The following PCDH15 variants were observed in gnomAD, a reference collection of about 807,000 sequenced individuals.
The protein encoded by PCDH15 is protocadherin-15.
PCDH15 carries 129 observed loss-of-function variants against 178.5 expected under a neutral mutation model. The observed-to-expected ratio is 0.72, with a 90% CI of 0.63 to 0.84. The LOEUF is 0.84. Ranked by LOEUF, PCDH15 falls within the 40% of genes least tolerant of loss-of-function variation. The pLI is 0.00. For missense variants in PCDH15, 2,230 were observed against 2,099.9 expected (o/e 1.06, Z -1.21); for synonymous variants, 800 against 732.0 (o/e 1.09, Z -1.50).
At chr10:54,713,618 T>C (rs2095447526) in intron 1 of PCDH15, among the ~76,000 whole-genome samples, 1 of 152,132 alleles carries the variant, frequency 6.6e-6, no homozygotes, top group Admixed American at 6.6e-5. Context: ...AATCAGTGTC[T>C]GGGCAAATAA....
chr10:54,114,474 G>T (rs2095079278), intron 15 of PCDH15, among the ~76,000 whole-genome samples: 2 of 152,014 alleles, frequency 1.3e-5, no homozygotes, highest in South Asian at 4.2e-4. Flanking sequence ...ATTTTTTATT[G>T]ATTACATAGT....
chr10:54,658,842 T>G (rs1484020018), intron 2 of PCDH15, among the ~76,000 whole-genome samples: 1 of 152,140 alleles, frequency 6.6e-6, no homozygotes, highest in Non-Finnish European at 1.5e-5. Flanking sequence ...AAGATATCAT[T>G]TTGCAAATTG....
intron 2 of PCDH15, among the ~76,000 whole-genome samples, chr10:54,587,716 A>G (rs537432454): frequency 6.6e-6 from 1 of 152,332 alleles, no homozygotes; most frequent in African/African-American, 2.4e-5. Flanking sequence ...TCAAACTATT[A>G]GTAAACATTT....
chr10:54,661,050 A>C (rs1393563608), intron 2 of PCDH15, among the ~76,000 whole-genome samples: 1 of 152,032 alleles, frequency 6.6e-6, no homozygotes. Flanking sequence ...CACTCTCAGC[A>C]ATCAGGCAAG....
At chr10:55,473,654 A>G (rs1404246054) in intron 2 of PCDH15, among the ~76,000 whole-genome samples, 1 of 152,172 alleles carries the variant, frequency 6.6e-6, no homozygotes, top group African/African-American at 2.4e-5. Context: ...AATAACCCCT[A>G]TTGGTGATGG....
intron 25 of PCDH15, among the ~76,000 whole-genome samples, chr10:53,929,912 A>G (rs1345220217): frequency 2.6e-5 from 4 of 152,220 alleles, no homozygotes; most frequent in Non-Finnish European, 5.9e-5. Context: ...TTATGGAGTT[A>G]CATAAATCAA....
intron 20 of PCDH15, among the ~76,000 whole-genome samples, chr10:54,002,697 A>G (rs1441153735): frequency 1.3e-5 from 2 of 152,176 alleles, no homozygotes; most frequent in East Asian, 3.9e-4. Flanking sequence ...AGTTGGCAGG[A>G]CTTCCTGGGT....
At chr10:53,841,968 A>C (rs2077679529) in intron 28 of PCDH15, among the ~76,000 whole-genome samples, 3 of 150,630 alleles carry the variant, frequency 2.0e-5, no homozygotes, top group East Asian at 2.0e-4. Context: ...AAAAAAAACA[A>C]CCCCGGGAAC....
At chr10:54,965,616 TA>T (rs941960029) in intron 2 of PCDH15, among the ~76,000 whole-genome samples, 4 of 72,038 alleles carry the variant, frequency 5.6e-5, no homozygotes, top group African/African-American at 1.9e-4. Flanking sequence ...TTCATATATA[TA>T]TATATATATA....
chr10:54,973,075 T>C (rs1376128117), intron 2 of PCDH15, among the ~76,000 whole-genome samples: 1 of 151,870 alleles, frequency 6.6e-6, no homozygotes, highest in Non-Finnish European at 1.5e-5. Flanking sequence ...AAAGTAAAAA[T>C]ATAGAGAATA....
At chr10:53,941,773 C>T (rs2086089926) in intron 23 of PCDH15, among the ~76,000 whole-genome samples, 1 of 152,200 alleles carries the variant, frequency 6.6e-6, no homozygotes, top group South Asian at 2.1e-4. Flanking sequence ...TTTGTATTCT[C>T]ACCAACAATA....
chr10:54,271,931 G>T (rs550131583), intron 8 of PCDH15, among the ~76,000 whole-genome samples: 2 of 147,996 alleles, frequency 1.4e-5, no homozygotes, highest in Middle Eastern at 3.6e-3. Context: ...CTTAGAGCCA[G>T]ATTATACCAT....
rs1194357513 is a variant in PCDH15 at position 55,616,225 on chromosome 10, A to G, written c.-156+11400T>C. Among the ~76,000 whole-genome samples the G allele has an allele frequency of 3.9e-5, 6 of 152,338 alleles. No homozygotes were observed. The East Asian group carries it at 1.2e-3, about 29-fold the overall frequency. On this transcript the variant is annotated intron_variant, in intron 2 of 5. Transcript: ENST00000613346. Reference sequence around the variant, plus strand: ...AGAAAAATCACTTTTAAATAATTGTAAACAGTAACAACACACTTTAACAGT... The same window carrying G: ...AGAAAAATCACTTTTAAATAATTGTGAACAGTAACAACACACTTTAACAGT...
chr10:54,733,924 AT>A (rs1010013100), intron 1 of PCDH15, among the ~76,000 whole-genome samples: 1 of 151,590 alleles, frequency 6.6e-6, no homozygotes, highest in Non-Finnish European at 1.5e-5. Flanking sequence ...TGTACTTCAC[AT>A]TTTTTATCAA....
rs1565104545 is a variant in PCDH15, at chr10:55,405,303, T to C, written c.-156+222322A>G. Among the ~76,000 whole-genome samples, 3 of 144,522 alleles carry C rather than the reference T, an allele frequency of 2.1e-5. 1 individual carries two copies. Among genetic ancestry groups the C allele is most frequent in the African/African-American group, 5.0e-5 (2 of 39,702 alleles). 94.8% of individuals were successfully genotyped at this position (144,522 alleles called of 152,430 possible). ...TAACAGATATATATATATATATATA[T>C]ACAATTTAATGTCATGTAATTAAAG... On this transcript the variant is annotated intron_variant, in intron 2 of 5. Transcript: ENST00000613346.
At chr10:55,222,424 G>A (rs1195228219) in intron 1 of PCDH15, among the ~76,000 whole-genome samples, 1 of 151,560 alleles carries the variant, frequency 6.6e-6, no homozygotes, top group Non-Finnish European at 1.5e-5. Flanking sequence ...TATATCTTTT[G>A]GAAAGGTGAG....
intron 3 of PCDH15, among the ~76,000 whole-genome samples, chr10:54,853,326 CACACATATACATATAT>C (rs1564570393): frequency 8.2e-6 from 1 of 121,436 alleles, no homozygotes; most frequent in East Asian, 2.3e-4. Flanking sequence ...TATACATACA[CACACATATACATATAT>C]ATACATATAT....
At chr10:53,943,650 T>C (rs1311987966) in intron 23 of PCDH15, among the ~76,000 whole-genome samples, 1 of 152,118 alleles carries the variant, frequency 6.6e-6, no homozygotes, top group African/African-American at 2.4e-5. Flanking sequence ...GACATTTAAA[T>C]CCTATGCATA....
At chr10:54,248,474 G>A (rs371409874) in intron 8 of PCDH15, among the ~76,000 whole-genome samples, 2 of 152,040 alleles carry the variant, frequency 1.3e-5, no homozygotes, top group South Asian at 4.2e-4. Context: ...GTAAAGAGTT[G>A]AAGTGAAATT....
Sources: allele counts gnomAD v4.1 joint callset (sites outside exome capture counted in the v4.1 genomes callset), GRCh38; gene constraint gnomAD v4.1.1; transcripts MANE v1.5; gene names NCBI Gene and HGNC (gene_info 2026-07-23, HGNC 2026-07-21).